CPEB3: variants seen among roughly 807,000 people sequenced by gnomAD.
CPEB3 encodes cytoplasmic polyadenylation element binding protein 3.
In CPEB3, 20 loss-of-function variants were observed where a neutral mutation model predicts 67.2. That is an observed-to-expected ratio of 0.30 (90% CI 0.21 to 0.43). The LOEUF (loss-of-function observed/expected upper bound fraction) is 0.43. Ranked by LOEUF, CPEB3 falls within the 20% of genes least tolerant of loss-of-function variation. CPEB3 has a pLI of 1.00. For synonymous variants in CPEB3, 376 were observed against 393.1 expected (o/e 0.96, Z 0.51); for missense variants, 746 against 968.6 (o/e 0.77, Z 3.05).
intron 4 of CPEB3, among the ~76,000 whole-genome samples, chr10:92,148,882 A>C (rs1200119653): frequency 1.3e-5 from 2 of 150,050 alleles, no homozygotes; most frequent in African/African-American, 4.9e-5. Flanking sequence ...TTTTGAATTT[A>C]ATATTTATTC....
chr10:92,189,546 G>C (rs1041084310), intron 3 of CPEB3, among the ~76,000 whole-genome samples: 2 of 152,118 alleles, frequency 1.3e-5, no homozygotes, highest in African/African-American at 4.8e-5. Context: ...GCAGCCAGAG[G>C]CAGAGACAGA....
intron 6 of CPEB3, among the ~76,000 whole-genome samples, chr10:92,112,238 G>A (rs938021066): frequency 4.8e-5 from 7 of 146,554 alleles, no homozygotes; most frequent in South Asian, 2.2e-4. Flanking sequence ...TCTGCCTCCC[G>A]GGTTCAAGCA....
rs567437607 is a variant in CPEB3, at chr10:92,129,308, G to A, written c.1453+13721C>T. 3.9e-5 allele frequency among the ~76,000 whole-genome samples: 6 copies of A among 152,242 alleles called. No individual in the cohort carries two copies. In the South Asian group the frequency reaches 1.2e-3, roughly 32 times the overall value. Reference sequence around the variant, plus strand: ...TGATGAGAACACATGGACACATAGAGGGGAACAACAGACACAATAGACACT... The same window carrying A: ...TGATGAGAACACATGGACACATAGAAGGGAACAACAGACACAATAGACACT... On this transcript the variant is annotated intron_variant, in intron 6 of 9. Transcript: ENST00000265997.
At chr10:92,156,014 T>C (rs1481303717) in intron 4 of CPEB3, among the ~76,000 whole-genome samples, 1 of 152,142 alleles carries the variant, frequency 6.6e-6, no homozygotes, top group Non-Finnish European at 1.5e-5. Context: ...TTCAAAATAA[T>C]CCTTATCAAT....
intron 1 of CPEB3, among the ~76,000 whole-genome samples, chr10:92,279,448 C>T (rs1254885307): frequency 6.6e-6 from 1 of 152,126 alleles, no homozygotes. Context: ...AAAGCAATAT[C>T]GTCCCCCCTT....
intron 2 of CPEB3, among the ~76,000 whole-genome samples, chr10:92,196,796 G>A (rs1161845961): frequency 1.3e-5 from 2 of 151,620 alleles, no homozygotes; most frequent in Non-Finnish European, 2.9e-5. Flanking sequence ...GCCAGGCATT[G>A]TGGCAGGTGC....
chr10:92,137,704 G>A (rs1846171170), intron 6 of CPEB3: 1 of 448,462 alleles, frequency 2.2e-6, no homozygotes, highest in Non-Finnish European at 4.0e-6. Flanking sequence ...CTGGAAAGAA[G>A]GTGGATTGGC....
chr10:92,208,623 T>C (rs1412938197), intron 2 of CPEB3, among the ~76,000 whole-genome samples: 1 of 149,794 alleles, frequency 6.7e-6, no homozygotes, highest in Non-Finnish European at 1.5e-5. Context: ...AGGCAGAGTC[T>C]CACTCTGTTG....
chr10:92,216,711 T>C (rs1239202470), intron 2 of CPEB3: 2 of 1,606,604 alleles, frequency 1.2e-6, no homozygotes, highest in Admixed American at 1.7e-5. Context: ...ACCTGTGTGA[T>C]AATGGTCAAG....
At chr10:92,111,036 T>C in intron 7 of CPEB3, 40 bp downstream of exon 7, 3 of 1,293,382 alleles carry the variant, frequency 2.3e-6, no homozygotes, top group Non-Finnish European at 2.3e-6. Flanking sequence ...CAATAGCATA[T>C]GTGCTCTGGA....
intron 1 of CPEB3, among the ~76,000 whole-genome samples, chr10:92,245,133 CTTTTTTTT>C (rs989695063): frequency 7.1e-5 from 7 of 98,068 alleles, no homozygotes; most frequent in African/African-American, 2.8e-4. Flanking sequence ...AGAAAAGAGT[CTTTTTTTT>C]TTTTTTTTTT....
chr10:92,120,098 C>CAAAAAAAAAAAAAAAAAAAAA (rs34785763), intron 6 of CPEB3, among the ~76,000 whole-genome samples: 5 of 45,242 alleles, frequency 1.1e-4, no homozygotes, highest in East Asian at 5.7e-4. Flanking sequence ...ACTAAAAATA[C>CAAAAAAAAAAAAAAAAAAAAA]AAAAAAAAAA....
At chr10:92,093,592 C>A (rs984661602) in intron 7 of CPEB3, among the ~76,000 whole-genome samples, 1 of 151,676 alleles carries the variant, frequency 6.6e-6, no homozygotes, top group Non-Finnish European at 1.5e-5. Flanking sequence ...ACCTCCACCC[C>A]CCAGGTTCAA....
At chr10:92,057,905 A>C (rs1842174317) in intron 9 of CPEB3, among the ~76,000 whole-genome samples, 2 of 152,222 alleles carry the variant, frequency 1.3e-5, no homozygotes, top group South Asian at 4.1e-4. Context: ...TGACCCCTAA[A>C]GCAGAAACAG....
intron 2 of CPEB3, among the ~76,000 whole-genome samples, chr10:92,236,022 C>T (rs1184347617): frequency 1.3e-5 from 2 of 152,152 alleles, no homozygotes; most frequent in Admixed American, 6.5e-5. Flanking sequence ...ATGCACCAAA[C>T]TAATACATAT....
At chr10:92,109,256 ATT>A (rs777164003) in intron 7 of CPEB3, among the ~76,000 whole-genome samples, 10 of 140,602 alleles carry the variant, frequency 7.1e-5, no homozygotes, top group Admixed American at 7.2e-5. Context: ...TTGGGTACAG[ATT>A]TTTTTTTTTT....
chr10:92,251,505 G>A (rs1228966535), intron 1 of CPEB3, among the ~76,000 whole-genome samples: 1 of 152,006 alleles, frequency 6.6e-6, no homozygotes, highest in Non-Finnish European at 1.5e-5. Flanking sequence ...GAAATAGGTG[G>A]ATCTATGTAT....
chr10:92,185,477 TA>T (rs200919646), intron 3 of CPEB3, among the ~76,000 whole-genome samples: 20 of 148,768 alleles, frequency 1.3e-4, no homozygotes, highest in African/African-American at 3.4e-4. Flanking sequence ...ACACTAGTTA[TA>T]AAAAAAAAAC....
In CPEB3 at chr10:92,149,960, C is replaced by T. The variant is rs745550538; in HGVS notation, c.1223-4875G>A. On this transcript the variant is annotated intron_variant, in intron 4 of 9. Transcript: ENST00000265997. ...AAGTATATGCAGCCCTGGGAAATAT[C>T]CAAGTTCAATCAAGTTAAGGAAAGT... is the stretch of plus-strand genomic sequence containing the variant. Among the ~76,000 whole-genome samples, 5 of 152,278 alleles carry T rather than the reference C, an allele frequency of 3.3e-5. No homozygotes were observed. In the South Asian group the frequency reaches 6.2e-4, roughly 19 times the overall value.
Sources: gnomAD v4.1 joint callset for allele counts (sites outside exome capture counted in the v4.1 genomes callset) on GRCh38, gnomAD v4.1.1 for gene constraint, MANE v1.5 for transcripts, NCBI Gene and HGNC (gene_info 2026-07-23, HGNC 2026-07-21) for gene names.